The following NEGR1 variants were observed in gnomAD, a reference collection of about 807,000 sequenced individuals.
NEGR1 encodes the protein neuronal growth regulator 1.
NEGR1 carries 10 observed loss-of-function variants against 40.9 expected under a neutral mutation model. The ratio of observed to expected loss-of-function variants is 0.24; its 90% CI spans 0.15 to 0.42. NEGR1 has a LOEUF of 0.42. NEGR1 is among the 10% of genes least tolerant of loss of function. The probability of loss-of-function intolerance (pLI) is 1.00; values close to 1 mark genes in which losing one functional copy is unlikely to be tolerated. For missense variants in NEGR1, 352 were observed against 438.9 expected (o/e 0.80, Z 1.77); for synonymous variants, 185 against 166.8 (o/e 1.11, Z -0.84).
chr1:71,873,207 CA>C (rs1317306778), intron 2 of NEGR1, among the ~76,000 whole-genome samples: 2 of 145,910 alleles, frequency 1.4e-5, no homozygotes, highest in African/African-American at 5.1e-5. Context: ...ACATGAATAA[CA>C]TTTATATTTG....
chr1:71,621,901 G>A (rs1170677961), intron 4 of NEGR1, among the ~76,000 whole-genome samples: 3 of 151,888 alleles, frequency 2.0e-5, no homozygotes, highest in Non-Finnish European at 2.9e-5. Context: ...GGCCATAGAT[G>A]ATGGATGAAT....
chr1:71,560,150 G>A (rs1648400944), intron 6 of NEGR1, among the ~76,000 whole-genome samples: 1 of 151,036 alleles, frequency 6.6e-6, no homozygotes, highest in Admixed American at 6.6e-5. Flanking sequence ...GAACTTTTTT[G>A]TTCCTTTTAT....
At chr1:71,894,671 T>C (rs1288359576) in intron 2 of NEGR1, among the ~76,000 whole-genome samples, 5 of 152,238 alleles carry the variant, frequency 3.3e-5, no homozygotes, top group Non-Finnish European at 7.3e-5. Context: ...GCTAACTTGT[T>C]AACTTCATAA....
chr1:71,615,218 G>T, intron 4 of NEGR1, among the ~76,000 whole-genome samples: 1 of 151,862 alleles, frequency 6.6e-6, no homozygotes, highest in Non-Finnish European at 1.5e-5. Flanking sequence ...AAAAGAAAAG[G>T]ATTCATCCAT....
chr1:71,832,930 T>C (rs1313284756), intron 2 of NEGR1, among the ~76,000 whole-genome samples: 1 of 152,038 alleles, frequency 6.6e-6, no homozygotes, highest in East Asian at 1.9e-4. Context: ...ATAGTATTAT[T>C]AAACATCTAG....
At chr1:71,674,199 C>A (rs1163719438) in intron 4 of NEGR1, among the ~76,000 whole-genome samples, 2 of 152,106 alleles carry the variant, frequency 1.3e-5, no homozygotes, top group Non-Finnish European at 2.9e-5. Flanking sequence ...TATAAACTAT[C>A]TGGAAGTTTC....
intron 1 of NEGR1, among the ~76,000 whole-genome samples, chr1:72,134,398 G>A (rs1650371338): frequency 6.6e-6 from 1 of 151,570 alleles, no homozygotes; most frequent in South Asian, 2.1e-4. Flanking sequence ...TAGAGACAGG[G>A]TTTCACCGTG....
chr1:71,567,090 T>C (rs1241781211), intron 6 of NEGR1, among the ~76,000 whole-genome samples: 1 of 152,136 alleles, frequency 6.6e-6, no homozygotes, highest in East Asian at 1.9e-4. Flanking sequence ...AGATTTCTGG[T>C]TTCTTGCAGA....
At chr1:71,691,117 T>A (rs892961044) in intron 4 of NEGR1, among the ~76,000 whole-genome samples, 2 of 151,916 alleles carry the variant, frequency 1.3e-5, no homozygotes, top group Admixed American at 6.6e-5. Flanking sequence ...ATCAGACTCA[T>A]TAAGTAAAAA....
intron 6 of NEGR1, among the ~76,000 whole-genome samples, chr1:71,462,853 G>A (rs1454621432): frequency 6.6e-6 from 1 of 152,158 alleles, no homozygotes; most frequent in Non-Finnish European, 1.5e-5. Flanking sequence ...TGTTATGGAT[G>A]TAAGTGTGCA....
In NEGR1 at chr1:71,987,838, T is replaced by G. The variant is rs182759805; in HGVS notation, c.177-52527A>C. On this transcript the variant is annotated intron_variant, in intron 1 of 6. Coordinates refer to ENST00000357731, the MANE Select transcript of NEGR1 (RefSeq NM_173808.3). ...ATTTATTTTCTGAGTCTCTTTTTAGTTCCTTTTCTACACAATTAACTCTGA... is the reference window on the plus strand; with the variant it reads ...ATTTATTTTCTGAGTCTCTTTTTAGGTCCTTTTCTACACAATTAACTCTGA... 5.0e-3 allele frequency among the ~76,000 whole-genome samples: 768 copies of G among 152,336 alleles called. 5 individuals carry two copies. Among genetic ancestry groups the G allele is most frequent in the Middle Eastern group, 0.037 (11 of 294 alleles).
intron 2 of NEGR1, among the ~76,000 whole-genome samples, chr1:71,915,463 C>T (rs554352646): frequency 6.6e-6 from 1 of 152,172 alleles, no homozygotes; most frequent in South Asian, 2.1e-4. Context: ...TATGAATGCA[C>T]ACACAAACCT....
At chr1:71,421,664 A>G (rs1242769211) in intron 6 of NEGR1, among the ~76,000 whole-genome samples, 2 of 152,058 alleles carry the variant, frequency 1.3e-5, no homozygotes, top group Non-Finnish European at 2.9e-5. Flanking sequence ...GCATCATTCT[A>G]ATTGCCAAAA....
At chr1:71,839,551 G>GC (rs1354183676) in intron 2 of NEGR1, among the ~76,000 whole-genome samples, 4 of 151,778 alleles carry the variant, frequency 2.6e-5, no homozygotes, top group Non-Finnish European at 5.9e-5. Context: ...TCCTTCAAAG[G>GC]CACCAGGGCT....
chr1:72,094,697 T>C (rs1219482188), intron 1 of NEGR1, among the ~76,000 whole-genome samples: 1 of 152,206 alleles, frequency 6.6e-6, no homozygotes, highest in African/African-American at 2.4e-5. Context: ...AGCACACTTT[T>C]GTTTTGCACA....
intron 1 of NEGR1, among the ~76,000 whole-genome samples, chr1:72,089,585 T>C (rs1456856446): frequency 6.6e-6 from 1 of 152,176 alleles, no homozygotes; most frequent in African/African-American, 2.4e-5. Flanking sequence ...CATTTATTCT[T>C]TTAGGAAATA....
intron 5 of NEGR1, among the ~76,000 whole-genome samples, chr1:71,597,466 CTCTCTCTG>C (rs1226125929): frequency 0.016 from 295 of 17,954 alleles, 1 homozygote; most frequent in Middle Eastern, 0.11. Context: ...CTCTCTCTCT[CTCTCTCTG>C]TGTGTGTGTG....
intron 3 of NEGR1, among the ~76,000 whole-genome samples, chr1:71,733,188 A>G (rs569380358): frequency 6.6e-6 from 1 of 152,226 alleles, no homozygotes; most frequent in Admixed American, 6.5e-5. Context: ...TGAGATTTAA[A>G]AGGCAAGTGT....
rs533947645 is a variant in NEGR1 at position 72,056,896 on chromosome 1, C to T, written c.177-121585G>A. On this transcript the variant is annotated intron_variant, in intron 1 of 6. Coordinates refer to ENST00000357731, the MANE Select transcript of NEGR1 (RefSeq NM_173808.3). Reference sequence around the variant, plus strand: ...CCTCTGAACTGTTTGTGTAATTCCACATAGTTATATTACACATGGATCCTT... The same window carrying T: ...CCTCTGAACTGTTTGTGTAATTCCATATAGTTATATTACACATGGATCCTT... Among the ~76,000 whole-genome samples, 20 of 151,638 alleles carry T rather than the reference C, an allele frequency of 1.3e-4. No homozygotes were observed. The South Asian group carries it at 3.3e-3, about 25-fold the overall frequency.
Sources: gnomAD v4.1 joint callset for allele counts (sites outside exome capture counted in the v4.1 genomes callset) on GRCh38, gnomAD v4.1.1 for gene constraint, MANE v1.5 for transcripts, NCBI Gene and HGNC (gene_info 2026-07-23, HGNC 2026-07-21) for gene names.